ARID1B: variants seen among roughly 807,000 people sequenced by gnomAD.
The protein encoded by ARID1B is AT-rich interaction domain 1B, also known as AT-rich interactive domain-containing protein 1B.
ARID1B carries 30 observed loss-of-function variants against 212.3 expected under a neutral mutation model. The ratio of observed to expected loss-of-function variants is 0.14; its 90% CI spans 0.11 to 0.19. The LOEUF is 0.19. Among genes scored for constraint, ARID1B ranks in the 10% least tolerant of loss-of-function variants. ARID1B has a pLI of 1.00. For missense variants in ARID1B, 2,891 were observed against 3,204.0 expected, an observed-to-expected ratio of 0.90 and a Z score of 2.36; for synonymous variants, 1,402 against 1,301.7, an observed-to-expected ratio of 1.08 and a Z score of -1.66.
At chr6:157,033,465 G>C (rs1311524628) in intron 4 of ARID1B, among the ~76,000 whole-genome samples, 1 of 152,146 alleles carries the variant, frequency 6.6e-6, no homozygotes, top group African/African-American at 2.4e-5. Context: ...AGTATACTCT[G>C]TTTTCAATGA....
chr6:157,013,589 G>T (rs1400828944), intron 4 of ARID1B, among the ~76,000 whole-genome samples: 1 of 152,218 alleles, frequency 6.6e-6, no homozygotes, highest in African/African-American at 2.4e-5. Flanking sequence ...AAGTATTTCA[G>T]TGTGTGTTTT....
At position 157,184,353 on chromosome 6, in the gene ARID1B, C is replaced by G. The variant is rs774661225; in HGVS notation, c.3837C>G (p.Ile1279Met). Residue 1279 changes from isoleucine (I) to methionine (M), a missense_variant, in exon 13 of 20, where the codon ATC becomes ATG. Physicochemically the swap from Ile to Met is conservative, Grantham distance 10. Transcript: ENST00000636930. ...IQYLFAFECK[I>M]ERGEEPPPEV... ...ACCTGTTTGCCTTTGAGTGCAAGAT[C>G]GAACGTGGGGAGGAGCCCCCGCCGG... is the stretch of plus-strand genomic sequence containing the variant. 1.2e-6 allele frequency: 2 copies of G among 1,614,054 alleles called. No individual in the cohort carries two copies. Among genetic ancestry groups the G allele is most frequent in the Non-Finnish European group, 8.5e-7 (1 of 1,180,046 alleles).
intron 8 of ARID1B, among the ~76,000 whole-genome samples, chr6:157,154,672 T>C (rs550944842): frequency 3.5e-5 from 5 of 142,780 alleles, no homozygotes; most frequent in African/African-American, 1.3e-4. Flanking sequence ...CTCCGCCTCC[T>C]GGTTCAAGTG....
chr6:157,159,770 G>T (rs1036916181), intron 8 of ARID1B, among the ~76,000 whole-genome samples: 1 of 152,164 alleles, frequency 6.6e-6, no homozygotes, highest in Non-Finnish European at 1.5e-5. Flanking sequence ...AGGCCCTGTG[G>T]GCAGTGCCAC....
At chr6:156,840,505 G>A (rs1469329056) in intron 2 of ARID1B, among the ~76,000 whole-genome samples, 2 of 152,166 alleles carry the variant, frequency 1.3e-5, no homozygotes, top group African/African-American at 4.8e-5. Context: ...AGAAGTTGCC[G>A]AATCCTAGAC....
At chr6:156,809,713 GAAAAAAAAAA>G (rs370188789) in intron 1 of ARID1B, among the ~76,000 whole-genome samples, 5 of 104,464 alleles carry the variant, frequency 4.8e-5, no homozygotes, top group Non-Finnish European at 7.6e-5. Flanking sequence ...CTTTTTCAAA[GAAAAAAAAAA>G]AAAAAAAAAA....
chr6:156,984,152 G>A (rs761802179), intron 4 of ARID1B, among the ~76,000 whole-genome samples: 4 of 152,096 alleles, frequency 2.6e-5, no homozygotes, highest in Admixed American at 1.3e-4. Flanking sequence ...TTCGTTGAGC[G>A]TCTCCAGGAG....
intron 4 of ARID1B, among the ~76,000 whole-genome samples, chr6:156,944,511 C>A (rs1792914324): frequency 6.6e-6 from 1 of 152,160 alleles, no homozygotes; most frequent in African/African-American, 2.4e-5. Context: ...GAAAAAACTT[C>A]ATGGGAAAGG....
chr6:156,971,497 T>C (rs946662961), intron 4 of ARID1B, among the ~76,000 whole-genome samples: 2 of 152,208 alleles, frequency 1.3e-5, no homozygotes, highest in Non-Finnish European at 2.9e-5. Context: ...TGGATGGGCT[T>C]GGGAGTGTGT....
chr6:156,844,727 A>G (rs1784114040), intron 2 of ARID1B, among the ~76,000 whole-genome samples: 1 of 152,210 alleles, frequency 6.6e-6, no homozygotes, highest in African/African-American at 2.4e-5. Context: ...TCCCTCTATC[A>G]TCTTTCCATA....
chr6:156,911,412 T>A (rs1247823627), intron 3 of ARID1B, among the ~76,000 whole-genome samples: 1 of 148,806 alleles, frequency 6.7e-6, no homozygotes, highest in African/African-American at 2.5e-5. Flanking sequence ...TAGTGTCGGC[T>A]GTGGCATGGT....
At chr6:156,836,811 C>G (rs287918) in intron 2 of ARID1B, among the ~76,000 whole-genome samples, 24,016 of 152,034 alleles carry the variant, frequency 0.16, 2,065 homozygotes, top group Middle Eastern at 0.2. Flanking sequence ...ACTACAGGTA[C>G]ATGCCACCAC....
chr6:156,834,455 C>T (rs535689369), intron 2 of ARID1B, among the ~76,000 whole-genome samples: 17 of 152,204 alleles, frequency 1.1e-4, no homozygotes, highest in Admixed American at 5.2e-4. Flanking sequence ...TGCACATGTA[C>T]GCTCCCACAT....
At chr6:157,120,583 T>C (rs1163557765) in intron 6 of ARID1B, among the ~76,000 whole-genome samples, 1 of 152,168 alleles carries the variant, frequency 6.6e-6, no homozygotes, top group East Asian at 1.9e-4. Flanking sequence ...TTTTTTTAAA[T>C]CTATTTTTCT....
intron 8 of ARID1B, chr6:157,151,141 A>G (rs1261523262): frequency 1.3e-5 from 2 of 152,494 alleles, no homozygotes; most frequent in Non-Finnish European, 1.5e-5. Context: ...CATGCCTGAG[A>G]GGGAAATAGA....
At chr6:156,854,410 A>T (rs796641858) in intron 2 of ARID1B, among the ~76,000 whole-genome samples, 5 of 152,356 alleles carry the variant, frequency 3.3e-5, no homozygotes, top group African/African-American at 1.2e-4. Context: ...AACCTGAGGC[A>T]GTTCAGGAAG....
chr6:157,038,409 C>A (rs1562567805), intron 4 of ARID1B, among the ~76,000 whole-genome samples: 1 of 152,016 alleles, frequency 6.6e-6, no homozygotes, highest in African/African-American at 2.4e-5. Flanking sequence ...GCACAGTCTA[C>A]CAGTTGTACA....
intron 11 of ARID1B, among the ~76,000 whole-genome samples, chr6:157,179,440 T>C (rs1264507901): frequency 6.6e-6 from 1 of 152,142 alleles, no homozygotes; most frequent in Admixed American, 6.5e-5. Flanking sequence ...ATAGTTTCTA[T>C]ATTCTAAGTG....
intron 4 of ARID1B, among the ~76,000 whole-genome samples, chr6:157,036,154 TAC>T (rs1393020916): frequency 5.3e-5 from 8 of 152,358 alleles, no homozygotes; most frequent in African/African-American, 1.4e-4. Flanking sequence ...TTAAAAGCTT[TAC>T]ACACGACACT....
Sources: allele counts gnomAD v4.1 joint callset (sites outside exome capture counted in the v4.1 genomes callset), GRCh38; gene constraint gnomAD v4.1.1; transcripts MANE v1.5; gene names NCBI Gene and HGNC (gene_info 2026-07-23, HGNC 2026-07-21).